The following WDR7 variants were observed in gnomAD, a reference collection of about 807,000 sequenced individuals.
The protein encoded by WDR7 is WD repeat-containing protein 7.
A neutral mutation model predicts 169.4 loss-of-function variants in WDR7; 46 were observed. The observed-to-expected ratio is 0.27, with a 90% confidence interval of 0.21 to 0.35. WDR7 has a LOEUF of 0.35. Among genes scored for constraint, WDR7 ranks in the 10% least tolerant of loss-of-function variants. The pLI is 1.00. For synonymous variants in WDR7, 612 were observed against 666.8 expected (o/e 0.92, Z 1.27); for missense variants, 1,534 against 1,859.3 (o/e 0.83, Z 3.22).
At chr18:56,818,313 C>T (rs557304078) in intron 20 of WDR7, among the ~76,000 whole-genome samples, 1 of 152,250 alleles carries the variant, frequency 6.6e-6, no homozygotes, top group African/African-American at 2.4e-5. Flanking sequence ...TATGCACTAC[C>T]AAAGTCATGA....
At chr18:56,773,386 CCTT>C (rs1461667319) in intron 16 of WDR7, among the ~76,000 whole-genome samples, 1 of 150,810 alleles carries the variant, frequency 6.6e-6, no homozygotes, top group Non-Finnish European at 1.5e-5. Context: ...TGTTTTCAAA[CCTT>C]CTATTCATGA....
At chr18:56,779,615 G>A (rs2044289359) in intron 18 of WDR7, 66 bp downstream of exon 18, 1 of 1,203,786 alleles carries the variant, frequency 8.3e-7, no homozygotes, top group African/African-American at 1.5e-5. Flanking sequence ...ATGTAAACTT[G>A]AAACAAAAAT....
At chr18:56,914,819 C>G (rs2046603390) in intron 21 of WDR7, among the ~76,000 whole-genome samples, 1 of 152,156 alleles carries the variant, frequency 6.6e-6, no homozygotes, top group Non-Finnish European at 1.5e-5. Context: ...CTAAGACTGT[C>G]TCCTATTTTG....
intron 5 of WDR7, 68 bp from the exon 6 acceptor site, chr18:56,685,888 T>G (rs1367113902): frequency 7.3e-6 from 9 of 1,239,562 alleles, no homozygotes; most frequent in Non-Finnish European, 9.1e-6. Flanking sequence ...AAGCAAAACA[T>G]CTTAATATTT....
At chr18:56,896,156 A>G (rs920113031) in intron 21 of WDR7, among the ~76,000 whole-genome samples, 2 of 151,890 alleles carry the variant, frequency 1.3e-5, no homozygotes, top group Admixed American at 1.3e-4. Context: ...ATAGAAAAAA[A>G]TTTAAAATCT....
intron 20 of WDR7, among the ~76,000 whole-genome samples, chr18:56,836,895 C>A (rs2045405014): frequency 6.6e-6 from 1 of 152,124 alleles, no homozygotes; most frequent in Admixed American, 6.5e-5. Flanking sequence ...TGTATTAATT[C>A]TTCTGCATAT....
chr18:56,932,383 C>T (rs2046897903), intron 22 of WDR7, among the ~76,000 whole-genome samples: 1 of 152,174 alleles, frequency 6.6e-6, no homozygotes. Flanking sequence ...CCTATAGCTT[C>T]TCTTCTAGAC....
intron 21 of WDR7, among the ~76,000 whole-genome samples, chr18:56,919,077 C>T (rs1393428830): frequency 2.0e-5 from 3 of 152,176 alleles, no homozygotes; most frequent in Non-Finnish European, 4.4e-5. Flanking sequence ...TTCATTCTAA[C>T]ATAAGCAGGG....
At chr18:56,668,304 T>A (rs1210572433) in intron 1 of WDR7, among the ~76,000 whole-genome samples, 1 of 152,246 alleles carries the variant, frequency 6.6e-6, no homozygotes, top group Non-Finnish European at 1.5e-5. Flanking sequence ...TAGAAAGAAT[T>A]GAGATTACAC....
chr18:56,764,498 G>C (rs59880700), intron 16 of WDR7, among the ~76,000 whole-genome samples: 5,987 of 152,134 alleles, frequency 0.039, 381 homozygotes, highest in African/African-American at 0.14. Context: ...GCTAAATCTA[G>C]CTAATTAACA....
chr18:57,028,485 G>A lies in WDR7; in HGVS notation c.*1278G>A, dbSNP rs2048401416. 2 of 152,266 alleles carry A rather than the reference G, an allele frequency of 1.3e-5. No individual in the cohort carries two copies. The highest frequency in any genetic ancestry group is 4.8e-5 in the African/African-American group (2 of 41,560). 9.4% of individuals were successfully genotyped at this position (152,266 alleles called of 1,614,324 possible). A position where few individuals can be genotyped will look rare whatever the true frequency, so the allele number is the denominator to read the frequency against. ...CTTGATCTGTATATACTTGTGAGGG[G>A]TTGTTTGGTTGCCTAATTGTTGATT... On this transcript the variant is annotated 3_prime_UTR_variant, in exon 28 of 28. Coordinates refer to ENST00000254442, the MANE Select transcript of WDR7 (RefSeq NM_015285.3).
intron 12 of WDR7, among the ~76,000 whole-genome samples, chr18:56,702,769 G>T (rs1356771171): frequency 6.6e-6 from 1 of 152,152 alleles, no homozygotes; most frequent in East Asian, 1.9e-4. Flanking sequence ...TCAGACCCTG[G>T]TTTACTTTTG....
intron 26 of WDR7, among the ~76,000 whole-genome samples, chr18:57,006,832 T>C (rs1017373398): frequency 8.5e-5 from 13 of 152,168 alleles, no homozygotes; most frequent in African/African-American, 2.9e-4. Flanking sequence ...TTAAAGTCAT[T>C]AATTTGGTTA....
chr18:56,957,618 G>A (rs1254915929), intron 25 of WDR7: 3 of 152,026 alleles, frequency 2.0e-5, no homozygotes, highest in Admixed American at 2.0e-4. Context: ...ATAATACCTC[G>A]GTTACTTTTG....
intron 13 of WDR7, among the ~76,000 whole-genome samples, chr18:56,719,378 AC>A (rs2026265307): frequency 6.6e-6 from 1 of 152,052 alleles, no homozygotes; most frequent in Non-Finnish European, 1.5e-5. Context: ...CTTGGCTAAC[AC>A]TTGAAACCCC....
intron 20 of WDR7, among the ~76,000 whole-genome samples, chr18:56,849,756 A>C (rs1599098850): frequency 2.0e-5 from 3 of 148,576 alleles, no homozygotes; most frequent in African/African-American, 5.2e-5. Flanking sequence ...TTTTTAAAAC[A>C]AAACAAAACA....
chr18:56,865,166 T>A (rs1260501029), intron 20 of WDR7, among the ~76,000 whole-genome samples: 1 of 152,028 alleles, frequency 6.6e-6, no homozygotes, highest in Non-Finnish European at 1.5e-5. Flanking sequence ...AATGTTGTAG[T>A]GGATGCTGAA....
chr18:56,927,215 G>A (rs1240955184), intron 22 of WDR7, among the ~76,000 whole-genome samples: 2 of 152,136 alleles, frequency 1.3e-5, no homozygotes, highest in Non-Finnish European at 2.9e-5. Flanking sequence ...ACATATCATG[G>A]CAGAGTTCCC....
At chr18:56,750,352 G>T (rs770179316) in intron 14 of WDR7, among the ~76,000 whole-genome samples, 5 of 152,170 alleles carry the variant, frequency 3.3e-5, no homozygotes, top group Non-Finnish European at 7.3e-5. Flanking sequence ...GTAAGTGTGT[G>T]TAGATGTGTG....
Sources: gnomAD v4.1 joint callset for allele counts (sites outside exome capture counted in the v4.1 genomes callset) on GRCh38, gnomAD v4.1.1 for gene constraint, MANE v1.5 for transcripts, NCBI Gene and HGNC (gene_info 2026-07-23, HGNC 2026-07-21) for gene names.